POP1: variants seen among roughly 807,000 people sequenced by gnomAD.
The protein encoded by POP1 is POP1 ribonuclease P/MRP subunit, also known as ribonucleases P/MRP protein subunit POP1.
A neutral mutation model predicts 102.2 loss-of-function variants in POP1; 75 were observed. That is an observed-to-expected ratio of 0.73 (90% CI 0.61 to 0.89). The LOEUF (loss-of-function observed/expected upper bound fraction) is 0.89, where lower values mean the gene tolerates loss of function less well. Among genes scored for constraint, POP1 ranks in the 40% least tolerant of loss-of-function variants. The probability of loss-of-function intolerance (pLI) is 0.00; values close to 1 mark genes in which losing one functional copy is unlikely to be tolerated. For synonymous variants in POP1, 436 were observed against 464.1 expected (o/e 0.94, Z 0.78); for missense variants, 1,116 against 1,267.4 (o/e 0.88, Z 1.81).
chr8:98,136,065 A>AT (rs869117815), intron 7 of POP1, among the ~76,000 whole-genome samples: 14 of 88,674 alleles, frequency 1.6e-4, no homozygotes, highest in East Asian at 4.0e-4. Context: ...TACAAATGTG[A>AT]TTTTTTTTTA....
intron 2 of POP1, 27 bp from the exon 3 acceptor site, chr8:98,127,568 A>T: frequency 6.2e-7 from 1 of 1,613,570 alleles, no homozygotes; most frequent in Non-Finnish European, 8.5e-7. Flanking sequence ...GATAAAGGTG[A>T]CATGTTTCTT....
At chr8:98,130,603 C>G (rs1416950323) in intron 5 of POP1, among the ~76,000 whole-genome samples, 1 of 152,118 alleles carries the variant, frequency 6.6e-6, no homozygotes, top group Non-Finnish European at 1.5e-5. Flanking sequence ...GGAATCAATT[C>G]TGTGTGACAG....
chr8:98,153,500 A>G (rs967856681), intron 14 of POP1, among the ~76,000 whole-genome samples: 1 of 138,514 alleles, frequency 7.2e-6, no homozygotes, highest in Non-Finnish European at 1.5e-5. Flanking sequence ...TTCTTTGGCT[A>G]TCTTCCAACT....
intron 1 of POP1, among the ~76,000 whole-genome samples, chr8:98,120,174 T>C (rs1430267106): frequency 6.6e-6 from 1 of 152,228 alleles, no homozygotes; most frequent in Non-Finnish European, 1.5e-5. Context: ...GAATGGCTTT[T>C]AATGCAGACC....
rs188233446 is a variant in POP1, at chr8:98,146,072, T to A, written c.1595-496T>A. The stretch of plus-strand genomic sequence containing the variant: ...ATACACAAAGCCCTGAAGCCAGTAG[T>A]TGAAATATGACATGTATTTATAATA... On this transcript the variant is annotated intron_variant, in intron 11 of 15. Coordinates refer to ENST00000401707, the MANE Select transcript of POP1 (RefSeq NM_001145860.2). Among the ~76,000 whole-genome samples, 7 of 152,274 alleles carry A rather than the reference T, an allele frequency of 4.6e-5. No homozygotes were observed. The East Asian group carries it at 1.3e-3, about 29-fold the overall frequency.
At chr8:98,118,350 T>G (rs1431341629) in intron 1 of POP1, among the ~76,000 whole-genome samples, 5 of 152,346 alleles carry the variant, frequency 3.3e-5, no homozygotes, top group Non-Finnish European at 7.4e-5. Context: ...TAACTGAAAT[T>G]CTATTTTCTC....
chr8:98,156,935 T>C (rs1487973843), intron 15 of POP1, among the ~76,000 whole-genome samples: 2 of 148,162 alleles, frequency 1.3e-5, no homozygotes, highest in African/African-American at 5.0e-5. Context: ...GGAGTCTTGC[T>C]CTGTCACCCA....
chr8:98,152,551 C>A (rs72680617), intron 14 of POP1, among the ~76,000 whole-genome samples: 19,355 of 152,168 alleles, frequency 0.13, 1,336 homozygotes, highest in Middle Eastern at 0.26. Flanking sequence ...ATATATGGAC[C>A]CTCGGATTTG....
chr8:98,134,441 A>C lies in POP1; in HGVS notation c.824-31A>C, dbSNP rs7820386. The C allele has an allele frequency of 1.9e-6, 3 of 1,611,680 alleles. No individual in the cohort carries two copies. The African/African-American group carries it at 4.0e-5, about 22-fold the overall frequency. On this transcript the variant is annotated intron_variant, in intron 6 of 15. Transcript: ENST00000401707. The stretch of plus-strand genomic sequence containing the variant: ...ATAGGACTGCAGTCTCAACACCCGG[A>C]ATTATGGAATTTTGCTTTTGTTGAT...
Position 98,123,438 on chromosome 8 carries a change from A to C in POP1, c.101A>C (p.His34Pro). Reference protein sequence around the residue: ...SGFVADRGVKHHSGGEKPFQA... With the variant: ...SGFVADRGVKPHSGGEKPFQA... ...TTTGTGGCTGACAGAGGTGTAAAGCACCACAGTGGAGGTGAAAAACCTTTC... is the reference window on the plus strand; with the variant it reads ...TTTGTGGCTGACAGAGGTGTAAAGCCCCACAGTGGAGGTGAAAAACCTTTC... Residue 34 changes from histidine (H) to proline (P), a missense_variant, in exon 2 of 16, where the codon CAC becomes CCC. Physicochemically the swap from His to Pro is moderately conservative, Grantham distance 77. Coordinates refer to ENST00000401707, the MANE Select transcript of POP1 (RefSeq NM_001145860.2). 6.2e-7 allele frequency: 1 copy of C among 1,614,106 alleles called. No homozygotes were observed. Among genetic ancestry groups the C allele is most frequent in the Non-Finnish European group, 8.5e-7 (1 of 1,179,976 alleles).
chr8:98,159,772 G>GAAAAAA lies in POP1; in HGVS notation c.*1508_*1513dup. 7.1e-6 allele frequency: 1 copy of GAAAAAA among 140,426 alleles called. No homozygotes were observed. The highest frequency in any genetic ancestry group is 2.6e-5 in the African/African-American group (1 of 38,184). 8.7% of individuals were successfully genotyped at this position (140,426 alleles called of 1,614,324 possible). A position where few individuals can be genotyped will look rare whatever the true frequency, so the allele number is the denominator to read the frequency against. On this transcript the variant is annotated 3_prime_UTR_variant, in exon 16 of 16. Coordinates refer to ENST00000401707, the MANE Select transcript of POP1 (RefSeq NM_001145860.2). ...CTTTGGATCCAACCCAGATGAGACT[G>GAAAAAA]AAAAAAAAAAAACAGTGTAACTAAG...
At chr8:98,156,722 CA>C (rs1471488027) in intron 15 of POP1, among the ~76,000 whole-genome samples, 2 of 152,108 alleles carry the variant, frequency 1.3e-5, no homozygotes, top group South Asian at 4.2e-4. Flanking sequence ...TTTAAATTAC[CA>C]AATTAGATTT....
At chr8:98,131,408 C>T (rs901127465) in intron 5 of POP1, among the ~76,000 whole-genome samples, 3 of 152,088 alleles carry the variant, frequency 2.0e-5, no homozygotes, top group Non-Finnish European at 2.9e-5. Flanking sequence ...AAAATTCATC[C>T]GTGTTGTAGC....
intron 4 of POP1, 106 bp downstream of exon 4, chr8:98,128,646 T>C: frequency 2.3e-6 from 3 of 1,318,286 alleles, no homozygotes; most frequent in Non-Finnish European, 3.2e-6. Context: ...AGGCTGGGCA[T>C]GGTGGCTCAC....
Position 98,128,552 on chromosome 8 carries a change from A to C in POP1, c.486+12A>C. 1 of 1,613,168 alleles carries C rather than the reference A, an allele frequency of 6.2e-7. No individual in the cohort carries two copies. The highest frequency in any genetic ancestry group is 8.5e-7 in the Non-Finnish European group (1 of 1,179,228). ...TTGCCCAGAAAGAGGTAGGAGTTCC[A>C]CTTAGTGTAAATGTTTAGATTAGTA... On this transcript the variant is annotated intron_variant, in intron 4 of 15. Coordinates refer to ENST00000401707, the MANE Select transcript of POP1 (RefSeq NM_001145860.2).
intron 9 of POP1, among the ~76,000 whole-genome samples, chr8:98,138,675 C>G (rs1224669789): frequency 6.6e-6 from 1 of 152,168 alleles, no homozygotes; most frequent in Admixed American, 6.5e-5. Flanking sequence ...GTTTTTCACT[C>G]TCTCCCCAGT....
intron 11 of POP1, 73 bp from the exon 12 acceptor site, chr8:98,146,495 A>G (rs946385372): frequency 1.9e-5 from 20 of 1,044,234 alleles, no homozygotes; most frequent in Admixed American, 1.9e-4. Flanking sequence ...CAAAAGGCCT[A>G]TTGCCAATGT....
intron 11 of POP1, 55 bp downstream of exon 11, chr8:98,140,943 T>C: frequency 6.3e-7 from 1 of 1,594,590 alleles, no homozygotes; most frequent in Non-Finnish European, 8.6e-7. Context: ...AGTCCAGTCT[T>C]ATTAGAAGAA....
At chr8:98,151,867 T>C (rs1185569999) in intron 14 of POP1, among the ~76,000 whole-genome samples, 2 of 150,954 alleles carry the variant, frequency 1.3e-5, no homozygotes, top group Non-Finnish European at 2.9e-5. Context: ...CTCAGCCTCC[T>C]GAGTAGCTGG....
Sources: gnomAD v4.1 joint callset for allele counts (sites outside exome capture counted in the v4.1 genomes callset) on GRCh38, gnomAD v4.1.1 for gene constraint, MANE v1.5 for transcripts, NCBI Gene and HGNC (gene_info 2026-07-23, HGNC 2026-07-21) for gene names.